Variants in STK32B observed in about 807,000 individuals in gnomAD.
The protein encoded by STK32B is serine/threonine-protein kinase 32B.
A neutral mutation model predicts 52.6 loss-of-function variants in STK32B; 43 were observed. The ratio of observed to expected loss-of-function variants is 0.82; its 90% CI spans 0.64 to 1.05. The LOEUF is 1.05. STK32B is among the 50% of genes least tolerant of loss of function. The pLI, the probability that STK32B is intolerant of heterozygous loss-of-function variation, is 0.00. For missense variants in STK32B, 621 were observed against 534.6 expected, an observed-to-expected ratio of 1.16 and a Z score of -1.59; for synonymous variants, 238 against 204.3, an observed-to-expected ratio of 1.17 and a Z score of -1.41.
At chr4:5,131,637 G>A (rs1039705439) in intron 1 of STK32B, among the ~76,000 whole-genome samples, 3 of 152,148 alleles carry the variant, frequency 2.0e-5, no homozygotes, top group Admixed American at 1.3e-4. Flanking sequence ...TGCTCCTGGG[G>A]ACTGTCATGC....
intron 1 of STK32B, among the ~76,000 whole-genome samples, chr4:5,135,285 G>A (rs1162538451): frequency 6.6e-6 from 1 of 152,184 alleles, no homozygotes; most frequent in East Asian, 1.9e-4. Flanking sequence ...TAGGTGTGGA[G>A]GCTGATGCAC....
At chr4:5,421,811 G>C (rs933478719) in intron 6 of STK32B, among the ~76,000 whole-genome samples, 1 of 152,326 alleles carries the variant, frequency 6.6e-6, no homozygotes, top group Non-Finnish European at 1.5e-5. Flanking sequence ...ATCCTCAGAA[G>C]ATTCACATGA....
intron 4 of STK32B, among the ~76,000 whole-genome samples, chr4:5,359,393 C>T (rs1412825039): frequency 1.3e-5 from 2 of 149,792 alleles, no homozygotes; most frequent in East Asian, 1.9e-4. Flanking sequence ...CCCTCCCTCC[C>T]TCCCTCCCTC....
rs190999375 is a variant in STK32B, at chr4:5,421,607, A to G, written c.562+4673A>G. On this transcript the variant is annotated intron_variant, in intron 6 of 11. Transcript: ENST00000282908. ...CTAACAGACTCACTCGAGCCTCCTC[A>G]AAGGCTCTACTGGGGCTTCCTGACC... Among the ~76,000 whole-genome samples, 204 of 152,290 alleles carry G rather than the reference A, an allele frequency of 1.3e-3. 1 individual carries two copies. The highest frequency in any genetic ancestry group is 4.5e-3 in the African/African-American group (188 of 41,574).
rs868732783 is a variant in STK32B, at chr4:5,399,121, C to G, written c.472+877C>G. Among the ~76,000 whole-genome samples the G allele has an allele frequency of 2.0e-5, 3 of 152,326 alleles. No individual in the cohort carries two copies. The Middle Eastern group carries it at 0.01, about 518-fold the overall frequency. On this transcript the variant is annotated intron_variant, in intron 5 of 11. Transcript: ENST00000282908. This position sits in a 1 kb window ranked among gnomAD's most constrained non-coding sequence, Gnocchi z 5.4. ...CTTGACAATCAATTGTGGCTGATGCCAACAGGAGACTTACAGCCTTCAAAA... is the reference window on the plus strand; with the variant it reads ...CTTGACAATCAATTGTGGCTGATGCGAACAGGAGACTTACAGCCTTCAAAA...
Position 5,163,546 on chromosome 4 carries a change from G to C in STK32B, c.109-4753G>C, listed in dbSNP as rs933972646. Among the ~76,000 whole-genome samples the C allele has an allele frequency of 3.7e-3, 268 of 72,140 alleles. 1 individual carries two copies. The highest frequency in any genetic ancestry group is 0.015 in the African/African-American group (252 of 17,348). The allele number at this position is 72,140 out of a possible 152,430, so 47.3% of individuals were successfully genotyped here. A position where few individuals can be genotyped will look rare whatever the true frequency, so the allele number is the denominator to read the frequency against. On this transcript the variant is annotated intron_variant, in intron 2 of 11. Coordinates refer to ENST00000282908, the MANE Select transcript of STK32B (RefSeq NM_018401.3). ...TTGAGATAGAGTGAAGGCTGTGTGT[G>C]TGTGTGTGTGTGTGTGTGTGTGTGT...
At chr4:5,375,826 G>T (rs903162322) in intron 4 of STK32B, among the ~76,000 whole-genome samples, 3 of 152,142 alleles carry the variant, frequency 2.0e-5, no homozygotes, top group Non-Finnish European at 4.4e-5. Context: ...GCTCCACAAT[G>T]GAGAATCAAG....
intron 1 of STK32B, among the ~76,000 whole-genome samples, chr4:5,093,825 A>G (rs1311393290): frequency 2.0e-5 from 3 of 152,172 alleles, no homozygotes; most frequent in East Asian, 3.9e-4. Context: ...ATTTTTCATC[A>G]TGTTTAGTGC....
At chr4:5,292,534 A>G (rs568912221) in intron 3 of STK32B, among the ~76,000 whole-genome samples, 2 of 152,108 alleles carry the variant, frequency 1.3e-5, no homozygotes, top group Admixed American at 6.5e-5. Context: ...TAGATTCTGA[A>G]TATTAGTGCT....
chr4:5,235,635 G>A (rs1724576684), intron 3 of STK32B, among the ~76,000 whole-genome samples: 1 of 151,822 alleles, frequency 6.6e-6, no homozygotes, highest in African/African-American at 2.4e-5. Context: ...ATAAATCCAA[G>A]TTACACCATG....
rs890357577 is a variant in STK32B at position 5,107,454 on chromosome 4, T to G, written c.53-32451T>G. Among the ~76,000 whole-genome samples the G allele has an allele frequency of 5.9e-5, 9 of 152,320 alleles. No individual in the cohort carries two copies. The East Asian group carries it at 1.2e-3, about 20-fold the overall frequency. ...TGTCTTCCACAAAACTGGTCTCTGG[T>G]CCTAAAAGTGTGGGGACCACTGTGC... On this transcript the variant is annotated intron_variant, in intron 1 of 11. Transcript: ENST00000282908.
intron 1 of STK32B, among the ~76,000 whole-genome samples, chr4:5,132,174 T>C (rs970461750): frequency 1.4e-4 from 22 of 152,236 alleles, no homozygotes; most frequent in Admixed American, 1.4e-3. Context: ...CAGTCTATTG[T>C]TGATAGACAT....
At chr4:5,334,985 G>C (rs1732543523) in intron 4 of STK32B, among the ~76,000 whole-genome samples, 1 of 151,998 alleles carries the variant, frequency 6.6e-6, no homozygotes, top group Non-Finnish European at 1.5e-5. Flanking sequence ...GATGATGCTG[G>C]CCTCATAAAA....
At chr4:5,409,766 A>G (rs1268386644) in intron 5 of STK32B, among the ~76,000 whole-genome samples, 2 of 151,632 alleles carry the variant, frequency 1.3e-5, no homozygotes, top group Non-Finnish European at 2.9e-5. Context: ...GTTGTTTTCC[A>G]CTCTTCACCT....
intron 3 of STK32B, among the ~76,000 whole-genome samples, chr4:5,188,262 A>T (rs745507287): frequency 6.6e-6 from 1 of 152,198 alleles, no homozygotes; most frequent in South Asian, 2.1e-4. Context: ...GAGCAATTTT[A>T]TGTGAAGCTC....
rs558185766 is a variant in STK32B, at chr4:5,437,017, T to C, written c.563-9656T>C. Among the ~76,000 whole-genome samples the C allele has an allele frequency of 2.0e-5, 3 of 152,310 alleles. No homozygotes were observed. In the East Asian group the frequency reaches 5.8e-4, roughly 29 times the overall value. Reference sequence around the variant, plus strand: ...CATTTATTAAGTGCCTTCTGTATACTGGGCTGAGCACCAGGTCCTGGGAGG... The same window carrying C: ...CATTTATTAAGTGCCTTCTGTATACCGGGCTGAGCACCAGGTCCTGGGAGG... On this transcript the variant is annotated intron_variant, in intron 6 of 11. Transcript: ENST00000282908.
At chr4:5,284,509 TTAATC>T (rs1450423611) in intron 3 of STK32B, among the ~76,000 whole-genome samples, 2 of 152,150 alleles carry the variant, frequency 1.3e-5, no homozygotes, top group Admixed American at 6.6e-5. Context: ...AAAATGTACA[TTAATC>T]TATTATAAAA....
At chr4:5,458,210 T>C (rs1716731227) in intron 8 of STK32B, among the ~76,000 whole-genome samples, 1 of 152,162 alleles carries the variant, frequency 6.6e-6, no homozygotes, top group Non-Finnish European at 1.5e-5. Context: ...CAGTCCGACA[T>C]GGGCGGGAGA....
intron 11 of STK32B, among the ~76,000 whole-genome samples, chr4:5,475,468 G>T (rs1038488596): frequency 1.4e-5 from 2 of 145,524 alleles, no homozygotes; most frequent in Non-Finnish European, 3.0e-5. Flanking sequence ...GGAGGCTGAG[G>T]TGGGCAGATC....
Sources: gnomAD v4.1 joint callset for allele counts (sites outside exome capture counted in the v4.1 genomes callset) on GRCh38, gnomAD v4.1.1 for gene constraint, Gnocchi (gnomAD v3.1) non-coding constraint, MANE v1.5 for transcripts, NCBI Gene and HGNC (gene_info 2026-07-23, HGNC 2026-07-21) for gene names.